Variants in SHE observed in about 807,000 individuals in gnomAD.
SHE encodes the protein SH2 domain-containing adapter protein E.
SHE carries 11 observed loss-of-function variants against 49.8 expected under a neutral mutation model. The observed-to-expected ratio is 0.22, with a 90% CI of 0.14 to 0.37. SHE has a LOEUF of 0.37. SHE is among the 10% of genes least tolerant of loss of function. The pLI is 1.00. For missense variants in SHE, 624 were observed against 655.5 expected, an observed-to-expected ratio of 0.95 and a Z score of 0.52; for synonymous variants, 310 against 278.1, an observed-to-expected ratio of 1.11 and a Z score of -1.14.
intron 1 of SHE, 31 bp from the exon 2 acceptor site, chr1:154,499,269 AG>A: frequency 6.2e-7 from 1 of 1,602,932 alleles, no homozygotes; most frequent in Non-Finnish European, 8.5e-7. Flanking sequence ...ACAGTTGCTA[AG>A]GGCCACCGTA....
intron 1 of SHE, among the ~76,000 whole-genome samples, chr1:154,470,757 T>C (rs528091969): frequency 6.6e-5 from 10 of 152,272 alleles, no homozygotes; most frequent in African/African-American, 2.4e-4. Flanking sequence ...GGAGAATCGC[T>C]TGAACCTGGG....
chr1:154,481,190 T>C lies in SHE; in HGVS notation c.*2959A>G. ...ATTAGGGACACCCTGCTGGGCCTAA[T>C]TGTTTTTAGAACATATGGAACTTTG... On this transcript the variant is annotated 3_prime_UTR_variant, in exon 6 of 6. Transcript: ENST00000304760. The C allele has an allele frequency of 2.0e-6, 2 of 985,456 alleles. No individual in the cohort carries two copies. Among genetic ancestry groups the C allele is most frequent in the South Asian group, 4.7e-5 (1 of 21,294 alleles). The allele number at this position is 985,456 out of a possible 1,614,324, so 61.0% of individuals were successfully genotyped here. A position where few individuals can be genotyped will look rare whatever the true frequency, so the allele number is the denominator to read the frequency against.
intron 2 of SHE, among the ~76,000 whole-genome samples, chr1:154,496,077 CA>C (rs1232665948): frequency 6.6e-6 from 1 of 152,176 alleles, no homozygotes; most frequent in Admixed American, 6.5e-5. Context: ...AGCCCAGCAG[CA>C]AATCTTTTAT....
intron 1 of SHE, among the ~76,000 whole-genome samples, chr1:154,473,557 CT>C (rs1457217409): frequency 6.6e-6 from 1 of 151,972 alleles, no homozygotes; most frequent in Admixed American, 6.5e-5. Context: ...AATCCCGGCA[CT>C]TTGGGAGGCT....
intron 2 of SHE, among the ~76,000 whole-genome samples, chr1:154,496,241 T>A (rs1451153936): frequency 6.6e-6 from 1 of 152,240 alleles, no homozygotes; most frequent in African/African-American, 2.4e-5. Context: ...ACAACTTTTT[T>A]AAAGTTAAGA....
At chr1:154,496,605 TC>T (rs1298236074) in intron 2 of SHE, among the ~76,000 whole-genome samples, 1 of 152,124 alleles carries the variant, frequency 6.6e-6, no homozygotes, top group African/African-American at 2.4e-5. Flanking sequence ...GAGTGGGAGA[TC>T]CGGGTGCTAA....
At chr1:154,491,689 G>T (rs1692370616) in intron 2 of SHE, among the ~76,000 whole-genome samples, 1 of 152,204 alleles carries the variant, frequency 6.6e-6, no homozygotes. Flanking sequence ...TGACTGGATG[G>T]ATGGATGGGA....
chr1:154,493,016 A>C (rs1692413773), intron 2 of SHE, among the ~76,000 whole-genome samples: 1 of 152,068 alleles, frequency 6.6e-6, no homozygotes. Flanking sequence ...AATAAAATAA[A>C]ATGATGTATA....
chr1:154,486,455 A>C, intron 4 of SHE, 72 bp downstream of exon 4: 1 of 1,559,350 alleles, frequency 6.4e-7, no homozygotes, highest in Non-Finnish European at 8.7e-7. Flanking sequence ...GAAATGGGCC[A>C]ATGTGCTCCC....
intron 2 of SHE, among the ~76,000 whole-genome samples, chr1:154,494,368 A>G (rs1053150718): frequency 6.7e-6 from 1 of 148,752 alleles, no homozygotes; most frequent in Non-Finnish European, 1.5e-5. Context: ...AAAGACAGAC[A>G]TAACAGTTTT....
At chr1:154,494,783 C>A (rs954151152) in intron 2 of SHE, among the ~76,000 whole-genome samples, 4 of 152,106 alleles carry the variant, frequency 2.6e-5, no homozygotes, top group African/African-American at 9.7e-5. Flanking sequence ...CGGTGGCTCA[C>A]TTTGTGGCTG....
chr1:154,470,183 G>T, exon 2 of SHE: 1 of 526,972 alleles, frequency 1.9e-6, no homozygotes, highest in Non-Finnish European at 3.2e-6. Context: ...TGCAGAAAGT[G>T]ACACAGGGAC....
chr1:154,476,134 C>T (rs145453376), downstream of SHE, among the ~76,000 whole-genome samples: 100 of 152,218 alleles, frequency 6.6e-4, 1 homozygote, highest in East Asian at 0.018. Flanking sequence ...TTGCTTCAGC[C>T]CAGGAGTTCG....
downstream of SHE, among the ~76,000 whole-genome samples, chr1:154,477,332 A>C (rs908123162): frequency 3.9e-5 from 6 of 152,310 alleles, no homozygotes; most frequent in Admixed American, 2.0e-4. Context: ...GTGTGTGGTA[A>C]GAAATGCATT....
At chr1:154,486,205 G>A in intron 4 of SHE, 143 bp from the exon 5 acceptor site, 1 of 1,182,692 alleles carries the variant, frequency 8.5e-7, no homozygotes, top group Non-Finnish European at 1.2e-6. Flanking sequence ...TTCACATTCA[G>A]AACAGACAAA....
chr1:154,476,307 T>A (rs1691874246), downstream of SHE, among the ~76,000 whole-genome samples: 1 of 152,062 alleles, frequency 6.6e-6, no homozygotes, highest in African/African-American at 2.4e-5. Context: ...GATAACACCA[T>A]CGCACTCCTG....
In SHE at chr1:154,482,596, C is replaced by G; in HGVS notation, c.*1553G>C. The G allele has an allele frequency of 2.0e-6, 2 of 985,356 alleles. No homozygotes were observed. Among genetic ancestry groups the G allele is most frequent in the Non-Finnish European group, 2.4e-6 (2 of 829,916 alleles). 61.0% of individuals were successfully genotyped at this position (985,356 alleles called of 1,614,324 possible). ...TTTGCATATGGGGCAGTTTTGAGAC[C>G]CAAATGACCAACCCCAGAATACAGA... On this transcript the variant is annotated 3_prime_UTR_variant, in exon 6 of 6. Coordinates refer to ENST00000304760, the MANE Select transcript of SHE (RefSeq NM_001010846.3).
chr1:154,484,159 T>C lies in SHE; in HGVS notation c.1478A>G (p.Lys493Arg), dbSNP rs375158598. Reference protein sequence around the residue: ...HMTLLYPVHSKLH With the variant: ...HMTLLYPVHSRLH ...TGCAGTGGCTGAATCTTAGTGAAGC[T>C]TGCTGTGCACTGGGTAGAGTAAAGT... Residue 493 changes from lysine (K) to arginine (R), a missense_variant, in exon 6 of 6, where the codon AAG (lysine) becomes AGG (arginine). Physicochemically the swap from Lys to Arg is conservative, Grantham distance 26. This residue lies in a region of SHE where 125 missense variants were observed against 181.7 expected (regional missense o/e 0.69). Transcript: ENST00000304760. 6.8e-6 allele frequency: 11 copies of C among 1,613,112 alleles called. 1 individual carries two copies. In the African/African-American group the frequency reaches 9.3e-5, roughly 14 times the overall value.
chr1:154,474,798 A>G (rs988159357), downstream of SHE, among the ~76,000 whole-genome samples: 1 of 152,192 alleles, frequency 6.6e-6, no homozygotes, highest in Non-Finnish European at 1.5e-5. Context: ...CACCACGCCC[A>G]GCCAAATTGT....
Sources: allele counts gnomAD v4.1 joint callset (sites outside exome capture counted in the v4.1 genomes callset), GRCh38; gene constraint gnomAD v4.1.1; regional missense constraint gnomAD v4.1.1; transcripts MANE v1.5; gene names NCBI Gene and HGNC (gene_info 2026-07-23, HGNC 2026-07-21).